USP43: variants seen among roughly 807,000 people sequenced by gnomAD.
USP43 encodes ubiquitin specific peptidase 43, also known as ubiquitin carboxyl-terminal hydrolase 43.
USP43 carries 33 observed loss-of-function variants against 90.7 expected under a neutral mutation model. The ratio of observed to expected loss-of-function variants is 0.36; its 90% CI spans 0.28 to 0.49. The LOEUF is 0.49. Among genes scored for constraint, USP43 ranks in the 20% least tolerant of loss-of-function variants. The pLI, the probability that USP43 is intolerant of heterozygous loss-of-function variation, is 0.98. For missense variants in USP43, 1,274 were observed against 1,476.4 expected (o/e 0.86, Z 2.25); for synonymous variants, 598 against 615.8 (o/e 0.97, Z 0.43).
intron 7 of USP43, among the ~76,000 whole-genome samples, chr17:9,683,620 T>C (rs905452978): frequency 6.6e-6 from 1 of 152,190 alleles, no homozygotes; most frequent in African/African-American, 2.4e-5. Flanking sequence ...ATTTTTATCA[T>C]GTAATAAATA....
chr17:9,715,368 T>A (rs1315720223), intron 14 of USP43, among the ~76,000 whole-genome samples: 1 of 152,086 alleles, frequency 6.6e-6, no homozygotes, highest in Non-Finnish European at 1.5e-5. Flanking sequence ...TGGGAGGATC[T>A]CTTGAGCTTG....
At position 9,645,606 on chromosome 17, in the gene USP43, G is replaced by C. The variant is rs960207482; in HGVS notation, c.-27G>C. 1 of 1,186,802 alleles carries C rather than the reference G, an allele frequency of 8.4e-7. No individual in the cohort carries two copies. Among genetic ancestry groups the C allele is most frequent in the African/African-American group, 1.6e-5 (1 of 62,398 alleles). 73.5% of individuals were successfully genotyped at this position (1,186,802 alleles called of 1,614,324 possible). A position where few individuals can be genotyped will look rare whatever the true frequency, so the allele number is the denominator to read the frequency against. On this transcript the variant is annotated 5_prime_UTR_variant, in exon 1 of 15. Transcript: ENST00000285199. The surrounding 1 kb of genome is among the most constrained non-coding windows in gnomAD (Gnocchi z 6.8). ...CGTCCGCCTCGCGCCCGGGGGCTCC[G>C]CGCCTGGAGCTGCGCCGGCGGCAGC...
At position 9,680,721 on chromosome 17, in the gene USP43, C is replaced by T. The variant is rs559077638; in HGVS notation, c.1105+355C>T. On this transcript the variant is annotated intron_variant, in intron 6 of 14. Coordinates refer to ENST00000285199, the MANE Select transcript of USP43 (RefSeq NM_153210.5). ...CGATGCTGCTGGTCCAGGAACCACA[C>T]TTTGAGAACCACTATTTGGTATAGA... Among the ~76,000 whole-genome samples the T allele has an allele frequency of 1.4e-4, 21 of 152,150 alleles. No individual in the cohort carries two copies. The East Asian group carries it at 3.9e-3, about 28-fold the overall frequency.
At chr17:9,702,533 C>T (rs1915633792) in intron 12 of USP43, among the ~76,000 whole-genome samples, 1 of 152,034 alleles carries the variant, frequency 6.6e-6, no homozygotes, top group African/African-American at 2.4e-5. Context: ...ATGTTTATTC[C>T]TCTGGGGAAT....
intron 14 of USP43, among the ~76,000 whole-genome samples, chr17:9,718,055 C>A (rs1161191991): frequency 6.6e-6 from 1 of 152,128 alleles, no homozygotes; most frequent in Non-Finnish European, 1.5e-5. Flanking sequence ...CTCGGCCTCC[C>A]AAAGTGCTGG....
intron 14 of USP43, among the ~76,000 whole-genome samples, chr17:9,720,311 G>C (rs188979142): frequency 1.5e-4 from 15 of 100,308 alleles, no homozygotes; most frequent in African/African-American, 5.8e-4. Context: ...GGGCGACAGA[G>C]ACTCCATCTC....
rs1458824781 is a variant in USP43 at position 9,714,619 on chromosome 17, G to C, written c.2335+2487G>C. On this transcript the variant is annotated intron_variant, in intron 14 of 14. Coordinates refer to ENST00000285199, the MANE Select transcript of USP43 (RefSeq NM_153210.5). ...AATCGCTTGAACCTGGGAGGTGGAG[G>C]TTGCAGTGAGCTTAGATCACACCAC... 3.5e-4 allele frequency among the ~76,000 whole-genome samples: 53 copies of C among 149,594 alleles called. No homozygotes were observed. In the Admixed American group the frequency reaches 3.6e-3, roughly 10 times the overall value.
At chr17:9,720,773 C>T (rs1305314927) in intron 14 of USP43, among the ~76,000 whole-genome samples, 1 of 152,152 alleles carries the variant, frequency 6.6e-6, no homozygotes, top group East Asian at 1.9e-4. Flanking sequence ...CAGGTGTGAG[C>T]CACCACGCCC....
chr17:9,727,912 G>C, intron 14 of USP43, 42 bp from the exon 15 acceptor site: 1 of 1,556,814 alleles, frequency 6.4e-7, no homozygotes, highest in Non-Finnish European at 8.7e-7. Context: ...CATTTCAGCT[G>C]TAGGGTGGCT....
chr17:9,683,223 G>A (rs1597848015), intron 7 of USP43, among the ~76,000 whole-genome samples: 2 of 152,192 alleles, frequency 1.3e-5, no homozygotes, highest in South Asian at 4.1e-4. Context: ...ATTTTATATT[G>A]TAAAACCTAG....
At chr17:9,687,492 T>C (rs1005961691) in intron 8 of USP43, among the ~76,000 whole-genome samples, 8 of 152,224 alleles carry the variant, frequency 5.3e-5, no homozygotes, top group African/African-American at 1.9e-4. Context: ...ATTTATTTAT[T>C]CTCAGATTGG....
At position 9,729,564 on chromosome 17, in the gene USP43, A is replaced by C. The variant is rs1418124177; in HGVS notation, c.*574A>C. On this transcript the variant is annotated 3_prime_UTR_variant, in exon 15 of 15. Transcript: ENST00000285199. ...AGTTCAGGTGAATATTTAATATATT[A>C]AAAATTGTATTAAAGTTTTTCAAGG... is the stretch of plus-strand genomic sequence containing the variant. The C allele has an allele frequency of 6.6e-6, 1 of 152,030 alleles. No individual in the cohort carries two copies. Among genetic ancestry groups the C allele is most frequent in the Non-Finnish European group, 1.5e-5 (1 of 68,002 alleles). The allele number at this position is 152,030 out of a possible 1,614,324, so 9.4% of individuals were successfully genotyped here.
At chr17:9,675,039 G>A (rs1913676572) in intron 4 of USP43, 56 bp downstream of exon 4, 4 of 1,508,400 alleles carry the variant, frequency 2.7e-6, no homozygotes, top group South Asian at 1.1e-5. Context: ...TACTCATTAC[G>A]GGGAAGCTTC....
At chr17:9,680,625 G>C (rs1914102393) in intron 6 of USP43, among the ~76,000 whole-genome samples, 2 of 152,140 alleles carry the variant, frequency 1.3e-5, no homozygotes, top group South Asian at 4.1e-4. Flanking sequence ...CCTACCCACA[G>C]AGTTTATGAT....
chr17:9,647,586 G>A (rs979130314), intron 1 of USP43: 1 of 152,184 alleles, frequency 6.6e-6, no homozygotes, highest in East Asian at 1.9e-4. Context: ...ATTCTATCAC[G>A]ACACCTTCTC....
At chr17:9,722,015 C>T (rs1597897666) in intron 14 of USP43, among the ~76,000 whole-genome samples, 1 of 151,968 alleles carries the variant, frequency 6.6e-6, no homozygotes. Context: ...GGATTACAGG[C>T]GTGAGCCACT....
rs1912003352 is a variant in USP43, at chr17:9,653,285, A to T, written c.505-3118A>T. The stretch of plus-strand genomic sequence containing the variant: ...AGAGGAATGGATTTCACATGGAAGG[A>T]AGAACAAAAGCAAAGGTCTAAGCCA... On this transcript the variant is annotated intron_variant, in intron 1 of 14. Coordinates refer to ENST00000285199, the MANE Select transcript of USP43 (RefSeq NM_153210.5). 2.6e-5 allele frequency among the ~76,000 whole-genome samples: 4 copies of T among 152,326 alleles called. No homozygotes were observed. In the South Asian group the frequency reaches 8.3e-4, roughly 32 times the overall value.
In USP43 at chr17:9,729,552, AT is replaced by A. The variant is rs1056939014; in HGVS notation, c.*565del. ...TAAATGGCTGAGAGTTCAGGTGAAT[AT>A]TTAATATATTAAAAATTGTATTAAA... On this transcript the variant is annotated 3_prime_UTR_variant, in exon 15 of 15. Transcript: ENST00000285199. The A allele has an allele frequency of 6.6e-6, 1 of 151,940 alleles. No homozygotes were observed. Among genetic ancestry groups the A allele is most frequent in the African/African-American group, 2.4e-5 (1 of 41,442 alleles). 9.4% of individuals were successfully genotyped at this position (151,940 alleles called of 1,614,324 possible). A position where few individuals can be genotyped will look rare whatever the true frequency, so the allele number is the denominator to read the frequency against.
chr17:9,683,335 G>T (rs1914413271), intron 7 of USP43, among the ~76,000 whole-genome samples: 1 of 151,780 alleles, frequency 6.6e-6, no homozygotes, highest in African/African-American at 2.4e-5. Flanking sequence ...GTAAGGAAAG[G>T]GTTCAGGAAA....
Sources: gnomAD v4.1 joint callset for allele counts (sites outside exome capture counted in the v4.1 genomes callset) on GRCh38, gnomAD v4.1.1 for gene constraint, Gnocchi (gnomAD v3.1) non-coding constraint, MANE v1.5 for transcripts, NCBI Gene and HGNC (gene_info 2026-07-23, HGNC 2026-07-21) for gene names.